PTPN13: variants seen among roughly 807,000 people sequenced by gnomAD.
PTPN13 encodes the protein tyrosine-protein phosphatase non-receptor type 13.
In PTPN13, 191 loss-of-function variants were observed where a neutral mutation model predicts 284.0. That is an observed-to-expected ratio of 0.67 (90% confidence interval 0.60 to 0.76). The LOEUF is 0.76. Ranked by LOEUF, PTPN13 falls within the 30% of genes least tolerant of loss-of-function variation. PTPN13 has a pLI of 0.00. For synonymous variants in PTPN13, 986 were observed against 1,022.3 expected (o/e 0.96, Z 0.68); for missense variants, 2,797 against 2,939.9 (o/e 0.95, Z 1.12).
intron 10 of PTPN13, among the ~76,000 whole-genome samples, chr4:86,724,175 A>G (rs1733976478): frequency 6.6e-6 from 1 of 152,222 alleles, no homozygotes; most frequent in Non-Finnish European, 1.5e-5. Context: ...CAATTTTTAA[A>G]GTTTTTAGAT....
chr4:86,734,725 T>C lies in PTPN13; in HGVS notation c.2013-12T>C. 6.2e-7 allele frequency: 1 copy of C among 1,603,326 alleles called. No individual in the cohort carries two copies. The highest frequency in any genetic ancestry group is 8.5e-7 in the Non-Finnish European group (1 of 1,172,224). ...CAAAGGCCAAGATGTCTGTGTGTGT[T>C]TGTTTTTTCAGACATACTCTGACGT... On this transcript the variant is annotated splice_polypyrimidine_tract_variant and intron_variant, in intron 13 of 47. Transcript: ENST00000411767.
chr4:86,715,472 G>C (rs984129867), intron 7 of PTPN13, among the ~76,000 whole-genome samples: 2 of 152,120 alleles, frequency 1.3e-5, no homozygotes, highest in African/African-American at 2.4e-5. Context: ...CATGCTTCTA[G>C]TCCCAGCTAC....
At chr4:86,783,145 T>G (rs1195654737) in intron 37 of PTPN13, among the ~76,000 whole-genome samples, 1 of 152,180 alleles carries the variant, frequency 6.6e-6, no homozygotes, top group Non-Finnish European at 1.5e-5. Context: ...AATTCCAAAA[T>G]TCTACACCTT....
chr4:86,732,355 A>G, intron 10 of PTPN13, 45 bp from the exon 11 acceptor site: 1 of 1,412,772 alleles, frequency 7.1e-7, no homozygotes, highest in Non-Finnish European at 9.6e-7. Context: ...GGAAAAAACT[A>G]GAATAAATAG....
At chr4:86,799,862 GTC>G (rs1743809710) in intron 42 of PTPN13, among the ~76,000 whole-genome samples, 1 of 120,468 alleles carries the variant, frequency 8.3e-6, no homozygotes. Flanking sequence ...TTGAGACAGA[GTC>G]TCTCTCTGTC....
At chr4:86,812,000 G>A (rs72665795) in intron 47 of PTPN13, among the ~76,000 whole-genome samples, 20,493 of 152,168 alleles carry the variant, frequency 0.13, 1,778 homozygotes, top group East Asian at 0.29. Context: ...TATTTATTGA[G>A]TGCTTACTTT....
chr4:86,603,280 T>C (rs1342737010), intron 1 of PTPN13, among the ~76,000 whole-genome samples: 1 of 140,510 alleles, frequency 7.1e-6, no homozygotes, highest in Non-Finnish European at 1.6e-5. Context: ...AACTTGTCCT[T>C]GTTTACCCTT....
At chr4:86,617,525 T>C (rs1011964969) in intron 1 of PTPN13, among the ~76,000 whole-genome samples, 2 of 152,194 alleles carry the variant, frequency 1.3e-5, no homozygotes, top group East Asian at 3.9e-4. Context: ...GCTGCACCCA[T>C]TAACTCATCA....
intron 25 of PTPN13, 100 bp from the exon 26 acceptor site, chr4:86,765,295 G>A (rs143880034): frequency 1.3e-6 from 1 of 779,236 alleles, no homozygotes; most frequent in Non-Finnish European, 2.2e-6. Context: ...CTGATGGGAT[G>A]TCACTGCTTT....
intron 2 of PTPN13, among the ~76,000 whole-genome samples, chr4:86,655,729 T>C (rs1301176782): frequency 4.6e-5 from 7 of 152,226 alleles, no homozygotes; most frequent in African/African-American, 7.2e-5. Flanking sequence ...CTTGGAGTTG[T>C]TCTTCTCGAG....
At chr4:86,601,949 G>C (rs1764328572) in intron 1 of PTPN13, among the ~76,000 whole-genome samples, 1 of 152,146 alleles carries the variant, frequency 6.6e-6, no homozygotes, top group Non-Finnish European at 1.5e-5. Flanking sequence ...ACATTTCCAA[G>C]ACAGGCAACT....
At chr4:86,707,638 A>G (rs1260796893) in intron 7 of PTPN13, among the ~76,000 whole-genome samples, 5 of 151,756 alleles carry the variant, frequency 3.3e-5, no homozygotes, top group African/African-American at 1.2e-4. Flanking sequence ...ATGGAGATAT[A>G]TATATTTTTT....
intron 47 of PTPN13, among the ~76,000 whole-genome samples, chr4:86,813,678 C>T (rs1402868776): frequency 2.0e-5 from 3 of 152,118 alleles, no homozygotes; most frequent in Non-Finnish European, 2.9e-5. Flanking sequence ...CCACCTGCCT[C>T]GGCCTCTGAG....
chr4:86,802,863 G>A (rs1744188487), intron 42 of PTPN13, among the ~76,000 whole-genome samples: 1 of 152,094 alleles, frequency 6.6e-6, no homozygotes, highest in Admixed American at 6.6e-5. Context: ...CTTGAGCCCA[G>A]GAGTTCAGGA....
intron 19 of PTPN13, among the ~76,000 whole-genome samples, chr4:86,751,767 G>A (rs1453004065): frequency 1.3e-5 from 2 of 152,078 alleles, no homozygotes; most frequent in African/African-American, 4.8e-5. Context: ...CATTTACTTA[G>A]AATGCTTTCA....
chr4:86,736,272 C>T (rs893144424), intron 15 of PTPN13, among the ~76,000 whole-genome samples: 1 of 152,140 alleles, frequency 6.6e-6, no homozygotes, highest in East Asian at 1.9e-4. Context: ...AGACCTATAA[C>T]CAGCTTTCTA....
rs529720508 is a variant in PTPN13 at position 86,747,522 on chromosome 4, A to G, written c.2650+2394A>G. Among the ~76,000 whole-genome samples the G allele has an allele frequency of 4.6e-5, 7 of 152,208 alleles. No individual in the cohort carries two copies. In the East Asian group the frequency reaches 1.3e-3, roughly 29 times the overall value. Reference sequence around the variant, plus strand: ...ACTATATGCTGCTATACTATGTAATAGCGGTAATAGTAGCAGCAGCAGCAG... The same window carrying G: ...ACTATATGCTGCTATACTATGTAATGGCGGTAATAGTAGCAGCAGCAGCAG... On this transcript the variant is annotated intron_variant, in intron 17 of 47. Transcript: ENST00000411767.
intron 3 of PTPN13, among the ~76,000 whole-genome samples, chr4:86,685,188 GAAAC>G (rs1275634628): frequency 1.1e-4 from 16 of 152,178 alleles, no homozygotes; most frequent in African/African-American, 1.9e-4. Context: ...TAATCTTTAA[GAAAC>G]AAACAAAGCA....
chr4:86,683,041 A>G (rs1729068243), intron 3 of PTPN13, among the ~76,000 whole-genome samples: 1 of 152,178 alleles, frequency 6.6e-6, no homozygotes, highest in Non-Finnish European at 1.5e-5. Flanking sequence ...GTACTGTCCT[A>G]ATAAAGTAGC....
Sources: gnomAD v4.1 joint callset for allele counts (sites outside exome capture counted in the v4.1 genomes callset) on GRCh38, gnomAD v4.1.1 for gene constraint, MANE v1.5 for transcripts, NCBI Gene and HGNC (gene_info 2026-07-23, HGNC 2026-07-21) for gene names.